Variants in PCSK5 observed in about 807,000 individuals in gnomAD.
The protein encoded by PCSK5 is proprotein convertase subtilisin/kexin type 5.
A neutral mutation model predicts 233.2 loss-of-function variants in PCSK5; 129 were observed. That is an observed-to-expected ratio of 0.55 (90% CI 0.48 to 0.64). PCSK5 has a LOEUF of 0.64. PCSK5 is among the 30% of genes least tolerant of loss of function. PCSK5 has a pLI of 0.00. For synonymous variants in PCSK5, 825 were observed against 879.2 expected (o/e 0.94, Z 1.09); for missense variants, 2,076 against 2,430.1 (o/e 0.85, Z 3.06).
At chr9:76,009,760 A>G (rs1827650136) in intron 3 of PCSK5, among the ~76,000 whole-genome samples, 1 of 152,204 alleles carries the variant, frequency 6.6e-6, no homozygotes, top group Non-Finnish European at 1.5e-5. Context: ...TGATAGATAC[A>G]TGGAGCAATC....
intron 37 of PCSK5, among the ~76,000 whole-genome samples, chr9:76,354,502 G>A (rs993140064): frequency 2.0e-4 from 31 of 152,226 alleles, no homozygotes; most frequent in Non-Finnish European, 2.9e-4. Flanking sequence ...GGGACTAGGC[G>A]TGGTGGCTCA....
At chr9:75,905,203 T>C (rs1040503852) in intron 1 of PCSK5, among the ~76,000 whole-genome samples, 1 of 151,992 alleles carries the variant, frequency 6.6e-6, no homozygotes, top group Non-Finnish European at 1.5e-5. Context: ...TGGGAGGTGA[T>C]GAAATGTTCT....
At chr9:76,064,457 G>A (rs112220641) in intron 5 of PCSK5, among the ~76,000 whole-genome samples, 2,417 of 141,294 alleles carry the variant, frequency 0.017, 38 homozygotes, top group African/African-American at 0.048. Context: ...CGGGCGGGGG[G>A]GCTGACCCCC....
chr9:75,930,961 C>T (rs1177113917), intron 1 of PCSK5, among the ~76,000 whole-genome samples: 1 of 152,148 alleles, frequency 6.6e-6, no homozygotes, highest in Non-Finnish European at 1.5e-5. Flanking sequence ...GCTTCAGAGT[C>T]CAGGATCATT....
rs1321902214 is a variant in PCSK5, at chr9:76,308,729, G to A, written c.3688+1G>A. ...ACTCTGTGCACTTCATGTCCCAAAGGTTAGTGTGTTGCGTGACAGAAGATG... is the reference window on the plus strand; with the variant it reads ...ACTCTGTGCACTTCATGTCCCAAAGATTAGTGTGTTGCGTGACAGAAGATG... On this transcript the variant is annotated splice_donor_variant, in intron 29 of 37. Transcript: ENST00000674117. LOFTEE classifies it high-confidence loss of function. The A allele has an allele frequency of 1.9e-6, 3 of 1,596,678 alleles. No homozygotes were observed. Among genetic ancestry groups the A allele is most frequent in the Admixed American group, 3.3e-5 (2 of 59,920 alleles).
At chr9:76,016,706 T>C (rs964865380) in intron 3 of PCSK5, among the ~76,000 whole-genome samples, 4 of 152,226 alleles carry the variant, frequency 2.6e-5, no homozygotes, top group African/African-American at 9.6e-5. Context: ...TTTTGTTAAA[T>C]GGTTTTAAGA....
At chr9:75,989,938 A>C (rs528464357) in intron 3 of PCSK5, among the ~76,000 whole-genome samples, 1 of 152,234 alleles carries the variant, frequency 6.6e-6, no homozygotes, top group South Asian at 2.1e-4. Flanking sequence ...GGCTACCACA[A>C]TTAAATGAAA....
At chr9:76,278,844 C>A (rs942599196) in intron 24 of PCSK5, among the ~76,000 whole-genome samples, 1 of 152,076 alleles carries the variant, frequency 6.6e-6, no homozygotes, top group African/African-American at 2.4e-5. Flanking sequence ...TGTCTATTAG[C>A]CCATCTTATA....
intron 20 of PCSK5, among the ~76,000 whole-genome samples, chr9:76,226,364 A>T (rs1373112502): frequency 6.6e-6 from 1 of 152,216 alleles, no homozygotes; most frequent in Non-Finnish European, 1.5e-5. Context: ...CAGTAAAGCG[A>T]TGGGGGAAAG....
In PCSK5 at chr9:76,354,023, C is replaced by A; in HGVS notation, c.5068-10C>A. The A allele has an allele frequency of 1.9e-6, 3 of 1,599,648 alleles. No homozygotes were observed. Among genetic ancestry groups the A allele is most frequent in the Non-Finnish European group, 2.6e-6 (3 of 1,172,774 alleles). On this transcript the variant is annotated splice_polypyrimidine_tract_variant and intron_variant, in intron 36 of 37. Transcript: ENST00000674117. ...ACACTCAAAAGGAACCTCTTGATTG[C>A]TCTTAACAGGGAGAGAAGTTTAACT...
At chr9:75,975,624 A>G (rs1332321479) in intron 2 of PCSK5, among the ~76,000 whole-genome samples, 1 of 152,196 alleles carries the variant, frequency 6.6e-6, no homozygotes, top group Non-Finnish European at 1.5e-5. Context: ...AGATCTGGGA[A>G]TATCTGAAAT....
intron 2 of PCSK5, among the ~76,000 whole-genome samples, chr9:75,983,518 T>C (rs1826368772): frequency 6.6e-6 from 1 of 152,156 alleles, no homozygotes; most frequent in Non-Finnish European, 1.5e-5. Context: ...GTACTCTGAG[T>C]AGAGGGAGGG....
intron 20 of PCSK5, among the ~76,000 whole-genome samples, chr9:76,209,096 T>G (rs1187486558): frequency 6.6e-6 from 1 of 152,208 alleles, no homozygotes; most frequent in East Asian, 1.9e-4. Context: ...TAAGGATATT[T>G]CAAGCCTAGA....
At chr9:76,285,636 C>G (rs1442718641) in intron 24 of PCSK5, among the ~76,000 whole-genome samples, 1 of 151,956 alleles carries the variant, frequency 6.6e-6, no homozygotes, top group Non-Finnish European at 1.5e-5. Context: ...ATAGGAGCAC[C>G]CTAAAATTAC....
At chr9:76,159,199 G>GTAGTAGTC in intron 12 of PCSK5, 28 bp downstream of exon 12, 1 of 1,602,148 alleles carries the variant, frequency 6.2e-7, no homozygotes, top group Non-Finnish European at 8.5e-7. Context: ...GCCCACCAGT[G>GTAGTAGTC]TAGTAGTCAC....
intron 24 of PCSK5, among the ~76,000 whole-genome samples, chr9:76,290,682 A>C (rs771620171): frequency 2.0e-5 from 3 of 152,264 alleles, no homozygotes; most frequent in Non-Finnish European, 4.4e-5. Flanking sequence ...TGACCAAGTC[A>C]TGAGCTAATA....
intron 24 of PCSK5, among the ~76,000 whole-genome samples, chr9:76,268,681 A>C (rs960208629): frequency 6.6e-6 from 1 of 151,926 alleles, no homozygotes; most frequent in Non-Finnish European, 1.5e-5. Flanking sequence ...TCATCTCTAC[A>C]AAAAAATACA....
intron 5 of PCSK5, among the ~76,000 whole-genome samples, chr9:76,064,050 C>T (rs1481738992): frequency 9.6e-6 from 1 of 104,618 alleles, no homozygotes; most frequent in African/African-American, 4.9e-5. Flanking sequence ...GCTGGCCGGG[C>T]AGAGGGGCTC....
chr9:76,281,249 G>C (rs1387462639), intron 24 of PCSK5, among the ~76,000 whole-genome samples: 3 of 152,178 alleles, frequency 2.0e-5, no homozygotes, highest in Non-Finnish European at 4.4e-5. Flanking sequence ...TTCATAGCTA[G>C]AGAGGAGAAG....
Sources: gnomAD v4.1 joint callset for allele counts (sites outside exome capture counted in the v4.1 genomes callset) on GRCh38, gnomAD v4.1.1 for gene constraint, MANE v1.5 for transcripts, NCBI Gene and HGNC (gene_info 2026-07-23, HGNC 2026-07-21) for gene names.